The following JMJD1C variants were observed in gnomAD, a reference collection of about 807,000 sequenced individuals.
JMJD1C encodes the protein jumonji domain-containing protein 1C.
Under a neutral mutation model 245.3 loss-of-function variants are expected in JMJD1C, and 31 were observed. The ratio of observed to expected loss-of-function variants is 0.13; its 90% CI spans 0.09 to 0.17. The LOEUF is 0.17. JMJD1C is among the 10% of genes least tolerant of loss of function. The probability of loss-of-function intolerance (pLI) is 1.00; values close to 1 mark genes in which losing one functional copy is unlikely to be tolerated. For missense variants in JMJD1C, 2,691 were observed against 3,000.2 expected (o/e 0.90, Z 2.41); for synonymous variants, 1,057 against 1,017.4 (o/e 1.04, Z -0.74).
intron 1 of JMJD1C, among the ~76,000 whole-genome samples, chr10:63,398,451 T>A (rs968872990): frequency 2.6e-5 from 4 of 152,136 alleles, no homozygotes; most frequent in Non-Finnish European, 5.9e-5. Context: ...TTAATCAAAT[T>A]CAAGGTTGAT....
intron 1 of JMJD1C, among the ~76,000 whole-genome samples, chr10:63,462,969 T>C (rs1173285207): frequency 6.6e-6 from 1 of 152,072 alleles, no homozygotes; most frequent in Non-Finnish European, 1.5e-5. Context: ...GACACAATAT[T>C]CCCTCAACTA....
At chr10:63,423,957 C>G (rs989603363) in intron 1 of JMJD1C, among the ~76,000 whole-genome samples, 1 of 152,150 alleles carries the variant, frequency 6.6e-6, no homozygotes, top group African/African-American at 2.4e-5. Context: ...AATTTCTATT[C>G]AAGCCCTTTT....
chr10:63,247,117 CAAAAACAA>C (rs1041282892), intron 3 of JMJD1C, among the ~76,000 whole-genome samples: 2 of 134,084 alleles, frequency 1.5e-5, no homozygotes, highest in African/African-American at 2.6e-5. Context: ...AAAACAAAAA[CAAAAACAA>C]AAAAACAAAA....
At chr10:63,259,605 TG>T (rs796862762) in intron 3 of JMJD1C, among the ~76,000 whole-genome samples, 5 of 152,296 alleles carry the variant, frequency 3.3e-5, no homozygotes, top group African/African-American at 1.2e-4. Flanking sequence ...GGATTCAAAC[TG>T]GAAAAACTAT....
intron 2 of JMJD1C, among the ~76,000 whole-genome samples, chr10:63,338,882 C>G (rs1009672729): frequency 6.6e-6 from 1 of 152,016 alleles, no homozygotes; most frequent in African/African-American, 2.4e-5. Context: ...CTCTCAACCT[C>G]AGGTGATCCA....
intron 3 of JMJD1C, among the ~76,000 whole-genome samples, chr10:63,247,936 A>C (rs1190299295): frequency 6.6e-6 from 1 of 152,078 alleles, no homozygotes; most frequent in African/African-American, 2.4e-5. Flanking sequence ...CAACAAAAAA[A>C]GGAAACTATA....
At chr10:63,362,252 A>G (rs1042517756) in intron 2 of JMJD1C, among the ~76,000 whole-genome samples, 1 of 151,324 alleles carries the variant, frequency 6.6e-6, no homozygotes, top group Non-Finnish European at 1.5e-5. Flanking sequence ...AAAAAAAAAA[A>G]TCACTAGTTT....
At chr10:63,329,063 C>T (rs1040465917) in intron 2 of JMJD1C, among the ~76,000 whole-genome samples, 1 of 152,112 alleles carries the variant, frequency 6.6e-6, no homozygotes, top group Non-Finnish European at 1.5e-5. Flanking sequence ...GGGAGAACTG[C>T]TTGAGCCCAG....
At chr10:63,460,365 T>A (rs747678261) in intron 1 of JMJD1C, among the ~76,000 whole-genome samples, 7 of 151,950 alleles carry the variant, frequency 4.6e-5, no homozygotes, top group South Asian at 2.1e-4. Flanking sequence ...AAAAAAAATT[T>A]AAAAATTAGT....
At chr10:63,237,749 T>C (rs1850910122) in intron 3 of JMJD1C, among the ~76,000 whole-genome samples, 1 of 152,094 alleles carries the variant, frequency 6.6e-6, no homozygotes, top group Non-Finnish European at 1.5e-5. Flanking sequence ...AATTAGAAAA[T>C]CTGAAATCCA....
At position 63,465,611 on chromosome 10, in the gene JMJD1C, CCA is replaced by C. The variant is rs1030545481; in HGVS notation, c.50_51del (p.Val17GlyfsTer45). The C allele has an allele frequency of 6.2e-7, 1 of 1,610,346 alleles. No homozygotes were observed. The highest frequency in any genetic ancestry group is 1.1e-5 in the South Asian group (1 of 91,084). On this transcript the variant is annotated frameshift_variant, in exon 1 of 26. Transcript: ENST00000399262. LOFTEE classifies it high-confidence loss of function. Reference protein sequence around the residue: ...AELVGKRFLCVAVGDEARSER... With the variant: ...AELVGKRFLCXAVGDEARSER... Reference sequence around the variant, plus strand: ...TCCGAACGTGCCTCGTCGCCGACCGCCACACACAGGAACCGCTTACCCACCAG... The same window carrying C: ...TCCGAACGTGCCTCGTCGCCGACCGCCACACAGGAACCGCTTACCCACCAG...
At chr10:63,397,443 C>T (rs1948578570) in intron 1 of JMJD1C, among the ~76,000 whole-genome samples, 1 of 152,076 alleles carries the variant, frequency 6.6e-6, no homozygotes, top group African/African-American at 2.4e-5. Flanking sequence ...GAACTCCTGA[C>T]CTCAGGTGAT....
At position 63,305,376 on chromosome 10, in the gene JMJD1C, AC is replaced by A. The variant is rs1318486152; in HGVS notation, c.334-40613del. Among the ~76,000 whole-genome samples the A allele has an allele frequency of 4.7e-3, 324 of 69,262 alleles. 20 individuals are homozygous for A. The highest frequency in any genetic ancestry group is 9.4e-3 in the South Asian group (16 of 1,694). 45.4% of individuals were successfully genotyped at this position (69,262 alleles called of 152,430 possible). On this transcript the variant is annotated intron_variant, in intron 2 of 25. Coordinates refer to ENST00000399262, the MANE Select transcript of JMJD1C (RefSeq NM_032776.3). ...AGCAAGACTCCACCTCAAAAAAAAA[AC>A]AAAAAACAAAAAAGGTTGCAGTGAG...
intron 2 of JMJD1C, among the ~76,000 whole-genome samples, chr10:63,295,262 T>C (rs1365540987): frequency 2.1e-4 from 1 of 4,786 alleles, no homozygotes; most frequent in African/African-American, 2.8e-3. Flanking sequence ...GCCCAACTAA[T>C]TTTTTTTTTT....
chr10:63,445,391 A>G (rs983169099), intron 1 of JMJD1C, among the ~76,000 whole-genome samples: 1 of 152,222 alleles, frequency 6.6e-6, no homozygotes, highest in South Asian at 2.1e-4. Flanking sequence ...TACTTACCAG[A>G]AAGAAGTGAT....
intron 2 of JMJD1C, among the ~76,000 whole-genome samples, chr10:63,372,220 C>T (rs1946373325): frequency 6.6e-6 from 1 of 152,138 alleles, no homozygotes; most frequent in Non-Finnish European, 1.5e-5. Flanking sequence ...GATGTCATCA[C>T]AATTCCTGGT....
chr10:63,384,015 C>A (rs1947407061), intron 1 of JMJD1C, among the ~76,000 whole-genome samples: 1 of 152,150 alleles, frequency 6.6e-6, no homozygotes, highest in South Asian at 2.1e-4. Context: ...AAACTGGAGT[C>A]AATCCTCTCA....
intron 1 of JMJD1C, among the ~76,000 whole-genome samples, chr10:63,457,853 T>C (rs1391942102): frequency 6.6e-6 from 1 of 152,190 alleles, no homozygotes; most frequent in Non-Finnish European, 1.5e-5. Flanking sequence ...AAAAACTCTT[T>C]TCAGTTTTTC....
At chr10:63,471,819 C>T (rs1345428189) in intron 1 of JMJD1C, among the ~76,000 whole-genome samples, 1 of 152,188 alleles carries the variant, frequency 6.6e-6, no homozygotes, top group African/African-American at 2.4e-5. Context: ...GGGCGGATCA[C>T]CTGAGGTCGG....
Sources: allele counts gnomAD v4.1 joint callset (sites outside exome capture counted in the v4.1 genomes callset), GRCh38; gene constraint gnomAD v4.1.1; transcripts MANE v1.5; gene names NCBI Gene and HGNC (gene_info 2026-07-23, HGNC 2026-07-21).